The following ZYG11A variants were observed in gnomAD, a reference collection of about 807,000 sequenced individuals.
ZYG11A encodes the protein protein zyg-11 homolog A.
A neutral mutation model predicts 77.2 loss-of-function variants in ZYG11A; 62 were observed. That is an observed-to-expected ratio of 0.80 (90% CI 0.65 to 0.99). The LOEUF (loss-of-function observed/expected upper bound fraction) is 0.99. Among genes scored for constraint, ZYG11A ranks in the 50% least tolerant of loss-of-function variants. ZYG11A has a pLI of 0.00. For synonymous variants in ZYG11A, 315 were observed against 324.6 expected, an observed-to-expected ratio of 0.97 and a Z score of 0.32; for missense variants, 828 against 896.8, an observed-to-expected ratio of 0.92 and a Z score of 0.98.
At chr1:52,868,916 A>G (rs930795369) in intron 8 of ZYG11A, among the ~76,000 whole-genome samples, 5 of 151,968 alleles carry the variant, frequency 3.3e-5, no homozygotes, top group Non-Finnish European at 5.9e-5. Context: ...GCTCACTGTA[A>G]TCTCTGCTTC....
intron 2 of ZYG11A, among the ~76,000 whole-genome samples, chr1:52,855,655 A>T (rs1046818217): frequency 6.6e-6 from 1 of 152,238 alleles, no homozygotes; most frequent in African/African-American, 2.4e-5. Context: ...AATATAAATT[A>T]AATCATCCAA....
intron 3 of ZYG11A, among the ~76,000 whole-genome samples, chr1:52,858,265 G>A (rs961649953): frequency 3.3e-5 from 5 of 149,942 alleles, no homozygotes; most frequent in South Asian, 2.1e-4. Context: ...GTGTGTTGGC[G>A]GGCGCCTGTA....
At chr1:52,859,375 G>A (rs184889947) in intron 3 of ZYG11A, among the ~76,000 whole-genome samples, 2 of 151,806 alleles carry the variant, frequency 1.3e-5, no homozygotes, top group East Asian at 1.9e-4. Context: ...TTGCTCTGTC[G>A]CCCAGGCTGG....
At chr1:52,850,935 C>T (rs556983973) in intron 1 of ZYG11A, among the ~76,000 whole-genome samples, 6 of 152,040 alleles carry the variant, frequency 3.9e-5, no homozygotes, top group Non-Finnish European at 7.4e-5. Context: ...GGATTTGTTT[C>T]TATTGACTTT....
chr1:52,849,682 A>G (rs1645667751), intron 1 of ZYG11A, among the ~76,000 whole-genome samples: 1 of 106,788 alleles, frequency 9.4e-6, no homozygotes, highest in African/African-American at 3.4e-5. Flanking sequence ...TTTCAATTAT[A>G]CATTTCTTTT....
rs1646288543 is a variant in ZYG11A at position 52,877,820 on chromosome 1, CA to C, written c.1684del (p.Ile562SerfsTer22). The C allele has an allele frequency of 6.4e-7, 1 of 1,551,356 alleles. No individual in the cohort carries two copies. The highest frequency in any genetic ancestry group is 8.7e-7 in the Non-Finnish European group (1 of 1,146,942). ...GCACTTCATTGAAAATCAAGGATTG[CA>C]AATCTTCATCCAAGTCTTGGAGGTG... is the stretch of plus-strand genomic sequence containing the variant. The part of the protein sequence containing the change: ...CKHFIENQGL[Q>X]IFIQVLETFS... On this transcript the variant is annotated frameshift_variant, in exon 9 of 14. Coordinates refer to ENST00000371528, the MANE Select transcript of ZYG11A (RefSeq NM_001004339.3). LOFTEE classifies it high-confidence loss of function.
At chr1:52,870,025 A>G in intron 8 of ZYG11A, among the ~76,000 whole-genome samples, 1 of 136,804 alleles carries the variant, frequency 7.3e-6, no homozygotes, top group African/African-American at 2.7e-5. Context: ...CTCACTTCTC[A>G]GACGGGGCGG....
Position 52,860,859 on chromosome 1 carries a change from T to C in ZYG11A, c.1137T>C (p.Pro379=). Residue 379 remains proline, a synonymous_variant, in exon 4 of 14, where the codon CCT becomes CCC. Coordinates refer to ENST00000371528, the MANE Select transcript of ZYG11A (RefSeq NM_001004339.3). ...TETFSMEVTM[P]AILKLVAIGM... ...CATTTTCAATGGAGGTAACCATGCC[T>C]GCTATTTTAAAGGTAATTGAAGGAA... 1.3e-6 allele frequency: 2 copies of C among 1,550,580 alleles called. No homozygotes were observed. Among genetic ancestry groups the C allele is most frequent in the Non-Finnish European group, 1.7e-6 (2 of 1,146,750 alleles).
chr1:52,873,754 G>C (rs1245895943), intron 8 of ZYG11A, among the ~76,000 whole-genome samples: 14 of 152,156 alleles, frequency 9.2e-5, no homozygotes, highest in Admixed American at 8.5e-4. Flanking sequence ...GGGAGGCCAA[G>C]GTGGGTGGAT....
At chr1:52,878,042 ATGC>A in intron 10 of ZYG11A, 73 bp downstream of exon 10, 3 of 1,282,738 alleles carry the variant, frequency 2.3e-6, no homozygotes, top group Non-Finnish European at 3.3e-6. Context: ...TACCTACTAT[ATGC>A]TAGGCAGTAT....
intron 13 of ZYG11A, among the ~76,000 whole-genome samples, chr1:52,890,756 C>G (rs966477621): frequency 6.6e-5 from 10 of 151,636 alleles, no homozygotes; most frequent in Non-Finnish European, 1.0e-4. Context: ...TAGCATCACA[C>G]CCAGCTAATT....
chr1:52,843,011 C>G, intron 1 of ZYG11A, 38 bp downstream of exon 1: 1 of 1,481,590 alleles, frequency 6.7e-7, no homozygotes, highest in South Asian at 1.3e-5. Flanking sequence ...CGGACCTCGG[C>G]GCCACGTCCA....
chr1:52,842,773 G>C lies in ZYG11A; in HGVS notation c.-111G>C, dbSNP rs1645469693. The C allele has an allele frequency of 9.7e-7, 1 of 1,027,258 alleles. No homozygotes were observed. The allele number at this position is 1,027,258 out of a possible 1,614,324, so 63.6% of individuals were successfully genotyped here. A position where few individuals can be genotyped will look rare whatever the true frequency, so the allele number is the denominator to read the frequency against. ...GCAGGGCGCGGCGCTAGCTCCGTGT[G>C]CCTCGCAGGCGTGGTGGGCGCGTCC... On this transcript the variant is annotated 5_prime_UTR_variant, in exon 1 of 14. Coordinates refer to ENST00000371528, the MANE Select transcript of ZYG11A (RefSeq NM_001004339.3).
At chr1:52,873,523 A>G (rs527303937) in intron 8 of ZYG11A, among the ~76,000 whole-genome samples, 71 of 152,338 alleles carry the variant, frequency 4.7e-4, no homozygotes, top group African/African-American at 1.4e-3. Flanking sequence ...ACTTTAACAC[A>G]TGAAGAATTG....
intron 2 of ZYG11A, 101 bp from the exon 3 acceptor site, chr1:52,856,894 CATT>C (rs1442983352): frequency 1.6e-6 from 2 of 1,223,492 alleles, no homozygotes; most frequent in African/African-American, 1.5e-5. Flanking sequence ...TAAATGTTGT[CATT>C]ATTGTTATTA....
At chr1:52,877,569 G>A (rs1571872250) in intron 8 of ZYG11A, 113 bp from the exon 9 acceptor site, 1 of 759,376 alleles carries the variant, frequency 1.3e-6, no homozygotes, top group Non-Finnish European at 2.1e-6. Context: ...CTACTAAGTG[G>A]CAGAACTTGG....
Position 52,854,452 on chromosome 1 carries a change from T to G in ZYG11A, c.91-13T>G. The G allele has an allele frequency of 6.6e-7, 1 of 1,522,278 alleles. No homozygotes were observed. Among genetic ancestry groups the G allele is most frequent in the South Asian group, 1.2e-5 (1 of 80,236 alleles). 94.3% of individuals were successfully genotyped at this position (1,522,278 alleles called of 1,614,324 possible). A position where few individuals can be genotyped will look rare whatever the true frequency, so the allele number is the denominator to read the frequency against. ...GTATTCTAACAAAGTTTGTTTGGGG[T>G]TTTGTTTGCTAGGAAGAGGCATCTC... On this transcript the variant is annotated splice_polypyrimidine_tract_variant and intron_variant, in intron 1 of 13. Transcript: ENST00000371528.
At chr1:52,849,790 C>T (rs995749765) in intron 1 of ZYG11A, among the ~76,000 whole-genome samples, 1 of 151,784 alleles carries the variant, frequency 6.6e-6, no homozygotes, top group African/African-American at 2.4e-5. Flanking sequence ...TCATGCCATT[C>T]TCCTGCCTCA....
chr1:52,857,035 C>T lies in ZYG11A; in HGVS notation c.294C>T (p.Gly98=), dbSNP rs2149994599. The T allele has an allele frequency of 6.5e-7, 1 of 1,546,018 alleles. No individual in the cohort carries two copies. The highest frequency in any genetic ancestry group is 2.5e-5 in the East Asian group (1 of 40,788). Residue 98 remains glycine, a synonymous_variant, in exon 3 of 14, where the codon GGC becomes GGT. Coordinates refer to ENST00000371528, the MANE Select transcript of ZYG11A (RefSeq NM_001004339.3). ...LTDRTASIFR[G]NQMKLKLVNI... Reference sequence around the variant, plus strand: ...ACAGAACAGCCAGCATTTTCCGAGGCAACCAAATGAAACTGAAGCTGGTCA... The same window carrying T: ...ACAGAACAGCCAGCATTTTCCGAGGTAACCAAATGAAACTGAAGCTGGTCA...
Sources: gnomAD v4.1 joint callset for allele counts (sites outside exome capture counted in the v4.1 genomes callset) on GRCh38, gnomAD v4.1.1 for gene constraint, MANE v1.5 for transcripts, NCBI Gene and HGNC (gene_info 2026-07-23, HGNC 2026-07-21) for gene names.